Variants in KIAA1671 observed in about 807,000 individuals in gnomAD.
The protein encoded by KIAA1671 is uncharacterized protein KIAA1671.
In KIAA1671, 52 loss-of-function variants were observed where a neutral mutation model predicts 131.2. The observed-to-expected ratio is 0.40, with a 90% confidence interval of 0.32 to 0.50. The LOEUF is 0.50. Ranked by LOEUF, KIAA1671 falls within the 20% of genes least tolerant of loss-of-function variation. The pLI, the probability that KIAA1671 is intolerant of heterozygous loss-of-function variation, is 0.73. For synonymous variants in KIAA1671, 1,003 were observed against 961.6 expected, an observed-to-expected ratio of 1.04 and a Z score of -0.80; for missense variants, 2,360 against 2,364.2, an observed-to-expected ratio of 1.00 and a Z score of 0.04.
intron 1 of KIAA1671, among the ~76,000 whole-genome samples, chr22:24,960,894 AG>A (rs1569192190): frequency 6.6e-6 from 1 of 152,138 alleles, no homozygotes; most frequent in Non-Finnish European, 1.5e-5. Context: ...TTCAGAGAGA[AG>A]GAACAGTGTT....
In KIAA1671 at chr22:24,980,064, A is replaced by C. The variant is rs113737607; in HGVS notation, c.-208+27292A>C. 2.9e-4 allele frequency among the ~76,000 whole-genome samples: 44 copies of C among 151,706 alleles called. 2 individuals are homozygous for C. The highest frequency in any genetic ancestry group is 1.0e-3 in the African/African-American group (43 of 41,346). On this transcript the variant is annotated intron_variant, in intron 1 of 12. Coordinates refer to ENST00000358431, the MANE Select transcript of KIAA1671 (RefSeq NM_001145206.2). Reference sequence around the variant, plus strand: ...ACTGCAACCTCCACTTCCCAGGTTCAAGCAATTCTCCTGCCTCAGCCTCCT... The same window carrying C: ...ACTGCAACCTCCACTTCCCAGGTTCCAGCAATTCTCCTGCCTCAGCCTCCT...
chr22:25,078,683 C>T (rs1929239527), intron 6 of KIAA1671, among the ~76,000 whole-genome samples: 1 of 152,202 alleles, frequency 6.6e-6, no homozygotes, highest in South Asian at 2.1e-4. Context: ...TTCTGAATCT[C>T]AGATCATAGT....
chr22:25,128,088 T>G (rs540091002), intron 6 of KIAA1671, among the ~76,000 whole-genome samples: 1 of 152,148 alleles, frequency 6.6e-6, no homozygotes, highest in African/African-American at 2.4e-5. Context: ...GCTAAAGATA[T>G]GAAGATTGAA....
At chr22:25,182,662 A>T (rs1934333281) in intron 10 of KIAA1671, among the ~76,000 whole-genome samples, 1 of 152,062 alleles carries the variant, frequency 6.6e-6, no homozygotes. Context: ...CTTAATCTCC[A>T]CTTTCTGACT....
chr22:25,184,105 G>A (rs1934387203), intron 10 of KIAA1671, among the ~76,000 whole-genome samples: 1 of 152,232 alleles, frequency 6.6e-6, no homozygotes, highest in African/African-American at 2.4e-5. Flanking sequence ...CTCTACCACA[G>A]CAGTGCTAGG....
At chr22:25,091,032 G>A (rs189435857) in intron 6 of KIAA1671, among the ~76,000 whole-genome samples, 12 of 152,266 alleles carry the variant, frequency 7.9e-5, no homozygotes, top group African/African-American at 1.9e-4. Flanking sequence ...AAATGACTGC[G>A]TGAATGAGTG....
At chr22:25,177,601 C>G (rs2146025961) in intron 9 of KIAA1671, 79 bp downstream of exon 9, 2 of 1,313,422 alleles carry the variant, frequency 1.5e-6, no homozygotes, top group South Asian at 1.6e-5. Context: ...TGAAAAAATT[C>G]CTGACTTGGA....
chr22:24,965,664 C>T (rs868099953), intron 1 of KIAA1671, among the ~76,000 whole-genome samples: 6 of 150,190 alleles, frequency 4.0e-5, no homozygotes, highest in Admixed American at 2.7e-4. Context: ...CGCTTGAACC[C>T]GCGAGGTGGA....
chr22:25,074,588 TGC>T lies in KIAA1671; in HGVS notation c.4530+25226_4530+25227del, dbSNP rs201587119. On this transcript the variant is annotated intron_variant, in intron 6 of 12. Transcript: ENST00000358431. ...ATGTATATATGCATATGTGTGTGTG[TGC>T]GTGTATATATATATATGGAAACATG... 5.0e-3 allele frequency among the ~76,000 whole-genome samples: 704 copies of T among 142,148 alleles called. 4 individuals are homozygous for T. Among genetic ancestry groups the T allele is most frequent in the African/African-American group, 0.017 (608 of 35,938 alleles). The allele number at this position is 142,148 out of a possible 152,430, so 93.3% of individuals were successfully genotyped here.
chr22:25,008,393 A>AC (rs1924863175), intron 1 of KIAA1671, among the ~76,000 whole-genome samples: 1 of 151,478 alleles, frequency 6.6e-6, no homozygotes, highest in South Asian at 2.1e-4. Context: ...TCAATTCACC[A>AC]CCCTGTAAAA....
rs1373019440 is a variant in KIAA1671, at chr22:25,177,341, C to T, written c.4900-7C>T. 1.6e-5 allele frequency: 25 copies of T among 1,544,856 alleles called. No homozygotes were observed. The East Asian group carries it at 5.9e-4, about 36-fold the overall frequency. On this transcript the variant is annotated splice_polypyrimidine_tract_variant and splice_region_variant and intron_variant, in intron 8 of 12. Coordinates refer to ENST00000358431, the MANE Select transcript of KIAA1671 (RefSeq NM_001145206.2). Reference sequence around the variant, plus strand: ...TTTTTTCCTCTTCCTCCCTGCTGCTCCCAAAGCAAACCTCAGTCCTCGACT... The same window carrying T: ...TTTTTTCCTCTTCCTCCCTGCTGCTTCCAAAGCAAACCTCAGTCCTCGACT...
At chr22:24,976,867 C>T (rs1922943171) in intron 1 of KIAA1671, among the ~76,000 whole-genome samples, 1 of 152,216 alleles carries the variant, frequency 6.6e-6, no homozygotes, top group East Asian at 1.9e-4. Context: ...ATGAGTGGGA[C>T]CTGCCAGTCA....
In KIAA1671 at chr22:24,987,177, T is replaced by TATTATTA. The variant is rs1569199170; in HGVS notation, c.-208+34405_-208+34406insATTATTA. 5.8e-4 allele frequency among the ~76,000 whole-genome samples: 88 copies of TATTATTA among 150,954 alleles called. 1 individual carries two copies. The highest frequency in any genetic ancestry group is 1.9e-3 in the African/African-American group (78 of 41,160). The stretch of plus-strand genomic sequence containing the variant: ...TTTATTTATTATTATTATTATTTTT[T>TATTATTA]TTTTTTTTTCTGAGACAGAGTCTCG... On this transcript the variant is annotated intron_variant, in intron 1 of 12. Transcript: ENST00000358431.
chr22:25,093,742 C>CTCTCTCTTTCTCTCTCTCTCTCTG (rs1930169522), intron 6 of KIAA1671, among the ~76,000 whole-genome samples: 1 of 118,482 alleles, frequency 8.4e-6, no homozygotes, highest in Non-Finnish European at 1.8e-5. Flanking sequence ...CACACACTCT[C>CTCTCTCTTTCTCTCTCTCTCTCTG]TCTCTCTCTC....
At position 25,185,022 on chromosome 22, in the gene KIAA1671, C is replaced by G. The variant is rs936317678; in HGVS notation, c.5245C>G (p.Pro1749Ala). The G allele has an allele frequency of 1.9e-6, 3 of 1,551,564 alleles. No homozygotes were observed. The highest frequency in any genetic ancestry group is 1.7e-6 in the Non-Finnish European group (2 of 1,147,010). Residue 1749 changes from proline to alanine, a missense_variant, in exon 11 of 13, where the codon CCC (proline) becomes GCC (alanine). This residue lies in a region of KIAA1671 where 1,161 missense variants were observed against 1,204.7 expected (regional missense o/e 0.96). Coordinates refer to ENST00000358431, the MANE Select transcript of KIAA1671 (RefSeq NM_001145206.2). ...RPEVDSPGET[P>A]SWAPQPKSPK... is the part of the protein sequence containing the mutation. ...AGAGGTGGACAGTCCTGGCGAGACCCCCAGCTGGGCACCCCAACCCAAGAG... is the reference window on the plus strand; with the variant it reads ...AGAGGTGGACAGTCCTGGCGAGACCGCCAGCTGGGCACCCCAACCCAAGAG...
chr22:25,012,566 C>G (rs979294327), intron 1 of KIAA1671: 1 of 152,168 alleles, frequency 6.6e-6, no homozygotes, highest in Admixed American at 6.6e-5. Flanking sequence ...AGCCACCATG[C>G]CCGGCCACTT....
At chr22:24,999,850 A>G (rs2123858839) in intron 1 of KIAA1671, among the ~76,000 whole-genome samples, 1 of 150,728 alleles carries the variant, frequency 6.6e-6, no homozygotes, top group East Asian at 2.0e-4. Context: ...GTGAGCCATT[A>G]AGCCTGGCCT....
intron 6 of KIAA1671, among the ~76,000 whole-genome samples, chr22:25,131,905 T>G (rs1030037395): frequency 2.0e-5 from 3 of 152,030 alleles, no homozygotes; most frequent in Non-Finnish European, 4.4e-5. Flanking sequence ...CCGCATAGAG[T>G]TGTAAGATTG....
chr22:25,101,423 G>C (rs1930663070), intron 6 of KIAA1671, among the ~76,000 whole-genome samples: 1 of 152,168 alleles, frequency 6.6e-6, no homozygotes, highest in Non-Finnish European at 1.5e-5. Context: ...AGCTGAGGGT[G>C]GGGCCTGATA....
Sources: allele counts gnomAD v4.1 joint callset (sites outside exome capture counted in the v4.1 genomes callset), GRCh38; gene constraint gnomAD v4.1.1; regional missense constraint gnomAD v4.1.1; transcripts MANE v1.5; gene names NCBI Gene and HGNC (gene_info 2026-07-23, HGNC 2026-07-21).